Variants in RANBP2 observed in about 807,000 individuals in gnomAD.
RANBP2 encodes RAN binding protein 2.
RANBP2 carries 57 observed loss-of-function variants against 303.6 expected under a neutral mutation model. That is an observed-to-expected ratio of 0.19 (90% CI 0.15 to 0.23). The LOEUF (loss-of-function observed/expected upper bound fraction) is 0.23. RANBP2 is among the 10% of genes least tolerant of loss of function. RANBP2 has a pLI of 1.00. For synonymous variants in RANBP2, 1,167 were observed against 1,301.5 expected (o/e 0.90, Z 2.23); for missense variants, 3,138 against 3,780.8 (o/e 0.83, Z 4.46).
chr2:108,950,910 G>A, the RANBP2 span, among the ~76,000 whole-genome samples: 2 of 152,228 alleles, frequency 1.3e-5, no homozygotes, highest in Admixed American at 1.3e-4. Context: ...CCAGGAAGGG[G>A]TGTGACCTTG....
the RANBP2 span, among the ~76,000 whole-genome samples, chr2:109,015,175 C>CA: frequency 7.6e-6 from 1 of 131,226 alleles, no homozygotes; most frequent in East Asian, 2.8e-4. Flanking sequence ...TAATAGAACT[C>CA]AGAGAGTTGT....
the RANBP2 span, among the ~76,000 whole-genome samples, chr2:109,358,277 A>T: frequency 1.5e-3 from 231 of 152,184 alleles, no homozygotes; most frequent in Non-Finnish European, 2.6e-3. Flanking sequence ...GATGTACCAC[A>T]GTTTGTTTAT....
the RANBP2 span, among the ~76,000 whole-genome samples, chr2:109,016,061 G>A: frequency 6.6e-6 from 1 of 150,840 alleles, no homozygotes; most frequent in Non-Finnish European, 1.5e-5. Context: ...GTTGTGGTAG[G>A]TGGTGTTATT....
the RANBP2 span, chr2:109,617,854 A>G: frequency 1.3e-5 from 2 of 159,180 alleles, no homozygotes; most frequent in Non-Finnish European, 2.9e-5. Flanking sequence ...ACCTGTCTCT[A>G]CTAAAAATAC....
the RANBP2 span, among the ~76,000 whole-genome samples, chr2:109,241,336 G>A: frequency 2.6e-5 from 4 of 152,170 alleles, no homozygotes; most frequent in Non-Finnish European, 5.9e-5. Context: ...AGCATTTGAA[G>A]TGGAAAAAAA....
the RANBP2 span, among the ~76,000 whole-genome samples, chr2:109,653,360 A>G: frequency 6.7e-6 from 1 of 148,814 alleles, no homozygotes; most frequent in African/African-American, 2.5e-5. Context: ...GCGGCACCCT[A>G]CTCCAGCCTG....
the RANBP2 span, among the ~76,000 whole-genome samples, chr2:109,532,491 C>T: frequency 6.6e-6 from 1 of 152,100 alleles, no homozygotes; most frequent in African/African-American, 2.4e-5. Context: ...TGGGTGCCCC[C>T]ACCTGTGACT....
chr2:109,615,632 C>G, the RANBP2 span: 1 of 1,613,786 alleles, frequency 6.2e-7, no homozygotes, highest in Non-Finnish European at 8.5e-7. Flanking sequence ...CCTCCCAGTA[C>G]CTGAGTCGGA....
the RANBP2 span, among the ~76,000 whole-genome samples, chr2:109,498,629 A>G: frequency 6.6e-6 from 1 of 152,238 alleles, no homozygotes; most frequent in African/African-American, 2.4e-5. Flanking sequence ...CTGAAAATCC[A>G]CATTCCCTAG....
the RANBP2 span, among the ~76,000 whole-genome samples, chr2:109,577,598 T>TA: frequency 0.2 from 26,902 of 133,194 alleles, 3,209 homozygotes; most frequent in Non-Finnish European, 0.29. Flanking sequence ...CCTCAAAATT[T>TA]AAAAAAAAAA....
the RANBP2 span, among the ~76,000 whole-genome samples, chr2:109,079,399 T>A: frequency 6.6e-6 from 1 of 152,228 alleles, no homozygotes; most frequent in East Asian, 1.9e-4. Flanking sequence ...TATTAATAGT[T>A]AAGTTTTGGG....
chr2:109,059,267 T>C, the RANBP2 span, among the ~76,000 whole-genome samples: 1 of 152,044 alleles, frequency 6.6e-6, no homozygotes, highest in African/African-American at 2.4e-5. Flanking sequence ...CCGCCTAAAC[T>C]ATCAGTGTCA....
the RANBP2 span, among the ~76,000 whole-genome samples, chr2:109,653,340 A>G: frequency 6.6e-6 from 1 of 151,334 alleles, no homozygotes; most frequent in Non-Finnish European, 1.5e-5. Flanking sequence ...GTTTGGAGTG[A>G]GCCGAGTTCG....
At chr2:108,846,706 AAAT>A in the RANBP2 span, 1 of 1,560,390 alleles carries the variant, frequency 6.4e-7, no homozygotes, top group Non-Finnish European at 8.7e-7. Context: ...GAACATGAAT[AAAT>A]ATACTAAGAT....
chr2:109,076,379 A>T, the RANBP2 span, among the ~76,000 whole-genome samples: 2 of 150,744 alleles, frequency 1.3e-5, no homozygotes, highest in East Asian at 3.9e-4. Context: ...TGGTCTCACC[A>T]TGTCTATTCA....
the RANBP2 span, chr2:108,923,589 C>T: frequency 1.2e-4 from 85 of 732,756 alleles, 1 homozygote; most frequent in South Asian, 1.3e-3. Flanking sequence ...ACTCAGTCAC[C>T]TGCTCTGTCC....
chr2:109,343,214 A>G, the RANBP2 span, among the ~76,000 whole-genome samples: 1 of 152,134 alleles, frequency 6.6e-6, no homozygotes. Context: ...GGCCCCTTCC[A>G]TGGACTAATT....
chr2:108,737,379 A>G (rs1311539672), intron 6 of RANBP2, among the ~76,000 whole-genome samples: 2 of 128,700 alleles, frequency 1.6e-5, no homozygotes, highest in Non-Finnish European at 3.1e-5. Context: ...TTGCTGTGTC[A>G]CCAGGCTGGA....
chr2:109,481,502 G>A, the RANBP2 span, among the ~76,000 whole-genome samples: 3 of 152,150 alleles, frequency 2.0e-5, no homozygotes, highest in South Asian at 2.1e-4. Flanking sequence ...GAACCTCCTC[G>A]GCCTGTTATT....
Sources: allele counts gnomAD v4.1 joint callset (sites outside exome capture counted in the v4.1 genomes callset), GRCh38; gene constraint gnomAD v4.1.1; transcripts MANE v1.5; gene names NCBI Gene and HGNC (gene_info 2026-07-23, HGNC 2026-07-21).